HNF1B: variants seen among roughly 807,000 people sequenced by gnomAD.
HNF1B encodes hepatocyte nuclear factor 1-beta.
A neutral mutation model predicts 61.7 loss-of-function variants in HNF1B; 8 were observed. That is an observed-to-expected ratio of 0.13 (90% CI 0.08 to 0.23). The LOEUF (loss-of-function observed/expected upper bound fraction) is 0.23, where lower values mean the gene tolerates loss of function less well. HNF1B is among the 10% of genes least tolerant of loss of function. HNF1B has a pLI of 1.00. For missense variants in HNF1B, 562 were observed against 714.5 expected (o/e 0.79, Z 2.43); for synonymous variants, 314 against 287.7 (o/e 1.09, Z -0.93).
intron 2 of HNF1B, among the ~76,000 whole-genome samples, chr17:37,735,118 A>G (rs1373960681): frequency 6.6e-6 from 1 of 151,934 alleles, no homozygotes. Context: ...AGTTCCTGTA[A>G]TTACTCCCAC....
intron 7 of HNF1B, among the ~76,000 whole-genome samples, chr17:37,699,461 C>T (rs982257386): frequency 1.3e-5 from 2 of 152,366 alleles, no homozygotes; most frequent in Middle Eastern, 3.4e-3. Context: ...GCCTCCGGTA[C>T]GGAACGGGAG....
At chr17:37,733,413 G>A (rs2033744256) in intron 3 of HNF1B, 144 bp downstream of exon 3, 1 of 909,038 alleles carries the variant, frequency 1.1e-6, no homozygotes, top group African/African-American at 1.6e-5. Context: ...ATTGATATTG[G>A]GGTTCTGTGG....
intron 8 of HNF1B, among the ~76,000 whole-genome samples, chr17:37,691,384 ATAAG>A (rs1343114960): frequency 5.9e-5 from 9 of 152,164 alleles, no homozygotes; most frequent in African/African-American, 2.2e-4. Context: ...TGGAGAGGTG[ATAAG>A]TAAGTTGGCC....
At chr17:37,739,017 A>G (rs985280367) in intron 2 of HNF1B, among the ~76,000 whole-genome samples, 27 of 152,266 alleles carry the variant, frequency 1.8e-4, no homozygotes, top group Non-Finnish European at 2.1e-4. Context: ...AGAGGAGGAA[A>G]TTAACAGTAA....
At chr17:37,687,742 G>T (rs2032028133) in intron 8 of HNF1B, among the ~76,000 whole-genome samples, 1 of 152,192 alleles carries the variant, frequency 6.6e-6, no homozygotes, top group African/African-American at 2.4e-5. Flanking sequence ...GCTGGATGGT[G>T]AGCTCTTGCC....
chr17:37,732,292 T>A (rs1317861062), intron 3 of HNF1B, among the ~76,000 whole-genome samples: 2 of 152,200 alleles, frequency 1.3e-5, no homozygotes, highest in African/African-American at 4.8e-5. Flanking sequence ...GGAAGCAAGA[T>A]GCTTTATCCC....
intron 8 of HNF1B, among the ~76,000 whole-genome samples, chr17:37,689,932 C>A (rs530828488): frequency 6.6e-6 from 1 of 151,972 alleles, no homozygotes; most frequent in Admixed American, 6.6e-5. Context: ...GTAAACAACA[C>A]CCTGCCCACT....
chr17:37,727,883 G>A (rs3786127), intron 4 of HNF1B, among the ~76,000 whole-genome samples: 3 of 152,036 alleles, frequency 2.0e-5, no homozygotes, highest in Non-Finnish European at 2.9e-5. Context: ...AGGGGAGAGC[G>A]TGGAGAGTGG....
intron 2 of HNF1B, among the ~76,000 whole-genome samples, chr17:37,735,718 G>A (rs934691107): frequency 6.6e-6 from 1 of 152,178 alleles, no homozygotes; most frequent in African/African-American, 2.4e-5. Flanking sequence ...TCTACCCCTA[G>A]TCAGGATGAT....
rs138500010 is a variant in HNF1B, at chr17:37,736,708, T to A, written c.544+2732A>T. ...AGACACTCTCGCAGCTGCTCCCCAG[T>A]GTGAGGGCTGCCTCAGTCTCTCACC... On this transcript the variant is annotated intron_variant, in intron 2 of 8. Transcript: ENST00000617811. Among the ~76,000 whole-genome samples the A allele has an allele frequency of 8.6e-4, 131 of 152,350 alleles. 1 individual carries two copies. The East Asian group carries it at 0.024, about 27-fold the overall frequency.
intron 4 of HNF1B, chr17:37,720,740 G>A: frequency 2.1e-6 from 2 of 971,580 alleles, no homozygotes; most frequent in African/African-American, 1.8e-5. Context: ...AGCTACCTCA[G>A]GCTCAGATGT....
At chr17:37,689,354 G>A in intron 8 of HNF1B, among the ~76,000 whole-genome samples, 1 of 152,102 alleles carries the variant, frequency 6.6e-6, no homozygotes, top group South Asian at 2.1e-4. Flanking sequence ...TCAGGTGGAG[G>A]AGAGAGAAAA....
rs923333388 is a variant in HNF1B at position 37,687,175 on chromosome 17, G to A, written c.*197C>T. ...AGAGGCATTGTGGCAATACTGCATAGAAGGGAAACTGGGCTTCGGGCTGCG... is the reference window on the plus strand; with the variant it reads ...AGAGGCATTGTGGCAATACTGCATAAAAGGGAAACTGGGCTTCGGGCTGCG... On this transcript the variant is annotated 3_prime_UTR_variant, in exon 9 of 9. Transcript: ENST00000617811. The A allele has an allele frequency of 1.5e-5, 12 of 793,214 alleles. No homozygotes were observed. The African/African-American group carries it at 1.9e-4, about 12-fold the overall frequency. 49.1% of individuals were successfully genotyped at this position (793,214 alleles called of 1,614,324 possible).
intron 6 of HNF1B, among the ~76,000 whole-genome samples, chr17:37,702,443 T>C (rs1207242835): frequency 1.3e-5 from 2 of 152,128 alleles, no homozygotes; most frequent in African/African-American, 4.8e-5. Flanking sequence ...CTGATCACCC[T>C]CAGAACAGCA....
chr17:37,704,014 T>G (rs1412023208), intron 6 of HNF1B, among the ~76,000 whole-genome samples: 1 of 152,214 alleles, frequency 6.6e-6, no homozygotes, highest in Non-Finnish European at 1.5e-5. Flanking sequence ...GAAAGAAAGA[T>G]GACCAATGTG....
Position 37,744,986 on chromosome 17 carries a change from C to T in HNF1B, c.-102G>A. ...CAAACCCCAAATCCAGGAACCCCTC[C>T]ACCCTTCAGCCTCCAGACACCTGTT... On this transcript the variant is annotated 5_prime_UTR_variant, in exon 1 of 9. Transcript: ENST00000617811. The T allele has an allele frequency of 9.9e-7, 1 of 1,009,952 alleles. No homozygotes were observed. Among genetic ancestry groups the T allele is most frequent in the Non-Finnish European group, 1.5e-6 (1 of 672,014 alleles). The allele number at this position is 1,009,952 out of a possible 1,614,324, so 62.6% of individuals were successfully genotyped here.
At chr17:37,697,759 T>C (rs1289420577) in intron 8 of HNF1B, among the ~76,000 whole-genome samples, 8 of 152,166 alleles carry the variant, frequency 5.3e-5, no homozygotes, top group African/African-American at 1.9e-4. Flanking sequence ...CCTTTCATCT[T>C]CTATTGGGTG....
At chr17:37,732,596 T>C (rs940003066) in intron 3 of HNF1B, among the ~76,000 whole-genome samples, 2 of 152,142 alleles carry the variant, frequency 1.3e-5, no homozygotes, top group African/African-American at 4.8e-5. Context: ...ACCAAAGAGC[T>C]GAAGTTTTAG....
intron 8 of HNF1B, among the ~76,000 whole-genome samples, chr17:37,694,628 G>T (rs983545182): frequency 1.3e-5 from 2 of 152,020 alleles, no homozygotes; most frequent in African/African-American, 2.4e-5. Flanking sequence ...GAGAGTGAAG[G>T]CCAGGCTGAT....
Sources: gnomAD v4.1 joint callset for allele counts (sites outside exome capture counted in the v4.1 genomes callset) on GRCh38, gnomAD v4.1.1 for gene constraint, MANE v1.5 for transcripts, NCBI Gene and HGNC (gene_info 2026-07-23, HGNC 2026-07-21) for gene names.